Variants in TMEM19 observed in about 807,000 individuals in gnomAD.
The protein encoded by TMEM19 is transmembrane protein 19.
In TMEM19, 21 loss-of-function variants were observed where a neutral mutation model predicts 33.6. The ratio of observed to expected loss-of-function variants is 0.62; its 90% CI spans 0.44 to 0.90. TMEM19 has a LOEUF of 0.90. Ranked by LOEUF, TMEM19 falls within the 40% of genes least tolerant of loss-of-function variation. TMEM19 has a pLI of 0.00. For synonymous variants in TMEM19, 149 were observed against 147.5 expected (o/e 1.01, Z -0.07); for missense variants, 402 against 401.8 (o/e 1.00, Z 0.00).
At chr12:71,693,564 T>C (rs1436692790) in intron 2 of TMEM19, among the ~76,000 whole-genome samples, 2 of 152,212 alleles carry the variant, frequency 1.3e-5, no homozygotes, top group Admixed American at 1.3e-4. Context: ...GTGTTATCCA[T>C]GTAAAATGCT....
At position 71,697,296 on chromosome 12, in the gene TMEM19, G is replaced by A; in HGVS notation, c.399G>A (p.Trp133Ter). 1 of 1,592,408 alleles carries A rather than the reference G, an allele frequency of 6.3e-7. No individual in the cohort carries two copies. The highest frequency in any genetic ancestry group is 8.5e-7 in the Non-Finnish European group (1 of 1,172,510). The change falls in exon 4 of 6, where the codon TGG becomes TGA. Residue 133 changes from tryptophan to a stop codon, truncating the protein, a stop_gained. Coordinates refer to ENST00000266673, the MANE Select transcript of TMEM19 (RefSeq NM_018279.4). LOFTEE classifies it high-confidence loss of function. ...TGTTTCCAGGTGGGCAAAGGAATTG[G>A]GTTCAGGTGTTCTGTAATGGAGCTG... ...SEYKEGGQRN[W>*]VQVFCNGAVP...
intron 1 of TMEM19, among the ~76,000 whole-genome samples, chr12:71,689,307 C>T (rs936623937): frequency 6.6e-6 from 1 of 152,142 alleles, no homozygotes; most frequent in South Asian, 2.1e-4. Flanking sequence ...AGCCTAGGAC[C>T]AATAGGCTAT....
rs1392548484 is a variant in TMEM19 at position 71,698,949 on chromosome 12, T to C, written c.687T>C (p.Gly229=). Residue 229 remains glycine (G), a synonymous_variant, in exon 5 of 6, where the codon GGT becomes GGC. Transcript: ENST00000266673. ...TGGGCCTTGTCTCCAGTCTCCTTGG[T>C]GGTACCTTTGTGGGCATTGCATACT... ...TVVGLVSSLL[G]GTFVGIAYFL... is the part of the protein sequence containing the mutation. The C allele has an allele frequency of 6.2e-7, 1 of 1,614,168 alleles. No homozygotes were observed. Among genetic ancestry groups the C allele is most frequent in the Admixed American group, 1.7e-5 (1 of 60,018 alleles).
At chr12:71,689,847 C>G in intron 2 of TMEM19, 143 bp downstream of exon 2, 1 of 623,290 alleles carries the variant, frequency 1.6e-6, no homozygotes, top group South Asian at 2.6e-5. Context: ...TTACATCTTG[C>G]TCAGCATTCC....
intron 2 of TMEM19, among the ~76,000 whole-genome samples, chr12:71,691,584 C>T (rs1174363698): frequency 1.9e-5 from 2 of 106,906 alleles, no homozygotes; most frequent in Non-Finnish European, 3.5e-5. Context: ...GCCTGGACAG[C>T]ATAATGAGAC....
At chr12:71,693,677 A>G (rs1206396873) in intron 2 of TMEM19, among the ~76,000 whole-genome samples, 1 of 151,592 alleles carries the variant, frequency 6.6e-6, no homozygotes, top group Non-Finnish European at 1.5e-5. Context: ...CCATGTCTCC[A>G]CACAAATCTC....
intron 5 of TMEM19, 55 bp downstream of exon 5, chr12:71,699,164 A>G: frequency 6.3e-7 from 1 of 1,583,840 alleles, no homozygotes; most frequent in East Asian, 2.2e-5. Flanking sequence ...AAATAGGGAA[A>G]AGAAAGAAAA....
rs753660608 is a variant in TMEM19 at position 71,701,015 on chromosome 12, G to A, written c.*20G>A. 6.3e-7 allele frequency: 1 copy of A among 1,588,054 alleles called. No individual in the cohort carries two copies. The highest frequency in any genetic ancestry group is 1.4e-5 in the African/African-American group (1 of 73,992). On this transcript the variant is annotated 3_prime_UTR_variant, in exon 6 of 6. Transcript: ENST00000266673. The stretch of plus-strand genomic sequence containing the variant: ...GGGTGAACTTTATTTCATTTCCACA[G>A]GTTGAAACTGGTGAGTCCAGCTAAA...
In TMEM19 at chr12:71,697,663, C is replaced by G. The variant is rs114408418; in HGVS notation, c.637+129C>G. 6.8e-4 allele frequency: 803 copies of G among 1,179,894 alleles called. 6 individuals are homozygous for G. In the African/African-American group the frequency reaches 0.011, roughly 17 times the overall value. The allele number at this position is 1,179,894 out of a possible 1,614,324, so 73.1% of individuals were successfully genotyped here. A position where few individuals can be genotyped will look rare whatever the true frequency, so the allele number is the denominator to read the frequency against. The stretch of plus-strand genomic sequence containing the variant: ...GAGCCTTTTAAGAACTTTATTTAGT[C>G]TCTTTAAATAATAATTGGAAAATTT... On this transcript the variant is annotated intron_variant, in intron 4 of 5. Transcript: ENST00000266673.
At chr12:71,698,607 AAG>A (rs71068787) in intron 4 of TMEM19, among the ~76,000 whole-genome samples, 2,747 of 121,054 alleles carry the variant, frequency 0.023, 42 homozygotes, top group Admixed American at 0.028. Flanking sequence ...TGTCTCTGAA[AAG>A]AGAGAGAGAG....
At chr12:71,696,988 C>T (rs1000114555) in intron 3 of TMEM19, among the ~76,000 whole-genome samples, 24 of 152,094 alleles carry the variant, frequency 1.6e-4, no homozygotes, top group Non-Finnish European at 3.2e-4. Flanking sequence ...ACTGTCAAAA[C>T]ACATCAATTT....
In TMEM19 at chr12:71,701,560, C is replaced by T. The variant is rs1045279201; in HGVS notation, c.*565C>T. The T allele has an allele frequency of 6.6e-5, 10 of 152,130 alleles. No individual in the cohort carries two copies. Among genetic ancestry groups the T allele is most frequent in the African/African-American group, 2.4e-4 (10 of 41,512 alleles). 9.4% of individuals were successfully genotyped at this position (152,130 alleles called of 1,614,324 possible). On this transcript the variant is annotated 3_prime_UTR_variant, in exon 6 of 6. Coordinates refer to ENST00000266673, the MANE Select transcript of TMEM19 (RefSeq NM_018279.4). ...TCCTAGTGAGTTTTGTGGCCTACTCCACATTTGTTCTTCCTTCCTCAGGGT... is the reference window on the plus strand; with the variant it reads ...TCCTAGTGAGTTTTGTGGCCTACTCTACATTTGTTCTTCCTTCCTCAGGGT...
intron 2 of TMEM19, among the ~76,000 whole-genome samples, chr12:71,694,024 A>G (rs979605352): frequency 6.6e-6 from 1 of 152,200 alleles, no homozygotes; most frequent in Non-Finnish European, 1.5e-5. Flanking sequence ...ACACACAGTT[A>G]TAAGAAATTT....
At position 71,686,767 on chromosome 12, in the gene TMEM19, G is replaced by T. The variant is rs1478713780; in HGVS notation, c.87G>T (p.Ser29=). ...IVILSLIICI[S]LAFWIISMTA... is the part of the protein sequence containing the mutation. Reference sequence around the variant, plus strand: ...TACTGAGCCTGATCATTTGCATTTCGTTAGCTTTCTGGATTATATCAATGA... The same window carrying T: ...TACTGAGCCTGATCATTTGCATTTCTTTAGCTTTCTGGATTATATCAATGA... Residue 29 remains serine, a synonymous_variant, in exon 1 of 6, where the codon TCG becomes TCT. Coordinates refer to ENST00000266673, the MANE Select transcript of TMEM19 (RefSeq NM_018279.4). 31 of 1,612,516 alleles carry T rather than the reference G, an allele frequency of 1.9e-5. No individual in the cohort carries two copies. Among genetic ancestry groups the T allele is most frequent in the Non-Finnish European group, 2.6e-5 (31 of 1,179,682 alleles).
At chr12:71,699,263 T>G in intron 5 of TMEM19, 154 bp downstream of exon 5, 1 of 760,254 alleles carries the variant, frequency 1.3e-6, no homozygotes, top group Non-Finnish European at 2.1e-6. Flanking sequence ...ATTTTGGTTT[T>G]CTTATTCTTT....
intron 1 of TMEM19, among the ~76,000 whole-genome samples, chr12:71,687,940 G>A (rs1881721116): frequency 6.6e-6 from 1 of 152,206 alleles, no homozygotes. Flanking sequence ...GTTGGAAAGG[G>A]TTCTCCAGGC....
rs149157753 is a variant in TMEM19, at chr12:71,694,470, G to A, written c.245-1966G>A. Among the ~76,000 whole-genome samples, 521 of 152,304 alleles carry A rather than the reference G, an allele frequency of 3.4e-3. 3 individuals carry two copies. The highest frequency in any genetic ancestry group is 0.012 in the African/African-American group (487 of 41,560). On this transcript the variant is annotated intron_variant, in intron 2 of 5. Transcript: ENST00000266673. ...GAGTTGATTAGAGCCTAGAAAACTGGTTGAGTGTTGCTCATTGTCATAAAG... is the reference window on the plus strand; with the variant it reads ...GAGTTGATTAGAGCCTAGAAAACTGATTGAGTGTTGCTCATTGTCATAAAG...
chr12:71,699,223 T>A, intron 5 of TMEM19, 114 bp downstream of exon 5: 2 of 1,061,620 alleles, frequency 1.9e-6, no homozygotes, highest in Non-Finnish European at 2.8e-6. Flanking sequence ...GTTGAGGGAC[T>A]AGAAATGATA....
chr12:71,696,849 G>C (rs113284706), intron 3 of TMEM19, among the ~76,000 whole-genome samples: 3 of 151,898 alleles, frequency 2.0e-5, no homozygotes, highest in Admixed American at 1.3e-4. Context: ...GGGTTTCACC[G>C]TATTAGCCAG....
Sources: allele counts gnomAD v4.1 joint callset (sites outside exome capture counted in the v4.1 genomes callset), GRCh38; gene constraint gnomAD v4.1.1; transcripts MANE v1.5; gene names NCBI Gene and HGNC (gene_info 2026-07-23, HGNC 2026-07-21).